The following PSD3 variants were observed in gnomAD, a reference collection of about 807,000 sequenced individuals.
PSD3 encodes PH and SEC7 domain-containing protein 3.
Under a neutral mutation model 105.5 loss-of-function variants are expected in PSD3, and 49 were observed. The ratio of observed to expected loss-of-function variants is 0.46; its 90% CI spans 0.37 to 0.59. The LOEUF (loss-of-function observed/expected upper bound fraction) is 0.59, where lower values mean the gene tolerates loss of function less well. Among genes scored for constraint, PSD3 ranks in the 20% least tolerant of loss-of-function variants. The pLI is 0.00. For missense variants in PSD3, 1,561 were observed against 1,263.8 expected (o/e 1.24, Z -3.57); for synonymous variants, 557 against 457.8 (o/e 1.22, Z -2.77).
intron 4 of PSD3, among the ~76,000 whole-genome samples, chr8:18,823,254 G>A (rs7834934): frequency 0.17 from 26,516 of 152,068 alleles, 2,572 homozygotes; most frequent in Admixed American, 0.31. Flanking sequence ...CTTCAAGCTC[G>A]CTTTAAAATT....
At chr8:19,084,410 T>C (rs1039669919) in exon 1 of PSD3, 28 of 456,070 alleles carry the variant, frequency 6.1e-5, no homozygotes, top group Non-Finnish European at 1.1e-4. Context: ...GGACAGCCCT[T>C]GGAGGGGAGC....
At chr8:18,888,687 G>T (rs1023636009) in intron 2 of PSD3, among the ~76,000 whole-genome samples, 4 of 152,090 alleles carry the variant, frequency 2.6e-5, no homozygotes, top group Non-Finnish European at 4.4e-5. Context: ...TCCTCTCAAA[G>T]AAGAGCTATT....
rs145273912 is a variant in PSD3, at chr8:18,531,500, G to A, written c.*4243C>T. On this transcript the variant is annotated 3_prime_UTR_variant, in exon 16 of 16. Coordinates refer to ENST00000327040, the MANE Select transcript of PSD3 (RefSeq NM_015310.4). ...TCTATTGCTATCAATAATCTATCAC[G>A]GGGTTATTCTGTGATGATTTGATCA... 2.0e-5 allele frequency: 3 copies of A among 152,132 alleles called. No individual in the cohort carries two copies. The highest frequency in any genetic ancestry group is 4.4e-5 in the Non-Finnish European group (3 of 68,030). The allele number at this position is 152,132 out of a possible 1,614,324, so 9.4% of individuals were successfully genotyped here.
chr8:18,979,354 G>A (rs1383189443), intron 1 of PSD3, among the ~76,000 whole-genome samples: 2 of 152,182 alleles, frequency 1.3e-5, no homozygotes, highest in East Asian at 3.8e-4. Context: ...TTCATAATGA[G>A]CAGCTCTTAC....
At chr8:18,741,527 G>C (rs1342296365) in intron 9 of PSD3, among the ~76,000 whole-genome samples, 1 of 152,122 alleles carries the variant, frequency 6.6e-6, no homozygotes. Context: ...TAGAATTTAA[G>C]AAACCAAAGT....
intron 9 of PSD3, among the ~76,000 whole-genome samples, chr8:18,747,221 T>C (rs1459807192): frequency 6.6e-6 from 1 of 152,212 alleles, no homozygotes; most frequent in Non-Finnish European, 1.5e-5. Context: ...TACCTGCAGG[T>C]GTACAGACAC....
chr8:19,006,366 T>C (rs1256228284), intron 1 of PSD3, among the ~76,000 whole-genome samples: 2 of 151,710 alleles, frequency 1.3e-5, no homozygotes, highest in Admixed American at 1.3e-4. Context: ...ACATACTATG[T>C]TTCACATAGT....
intron 1 of PSD3, among the ~76,000 whole-genome samples, chr8:18,979,172 G>T (rs959528853): frequency 5.3e-5 from 8 of 151,840 alleles, no homozygotes; most frequent in Middle Eastern, 3.4e-3. Context: ...CAAGACACTG[G>T]GGGGCGGCCA....
At chr8:18,684,203 T>TA (rs1800532304) in intron 9 of PSD3, 9 of 222,752 alleles carry the variant, frequency 4.0e-5, no homozygotes, top group African/African-American at 2.1e-4. Flanking sequence ...GTCTCTCTTT[T>TA]CCACACACAC....
At chr8:18,709,763 A>C (rs1802134113) in intron 9 of PSD3, among the ~76,000 whole-genome samples, 1 of 152,194 alleles carries the variant, frequency 6.6e-6, no homozygotes, top group Non-Finnish European at 1.5e-5. Context: ...TGGAAGAGGG[A>C]CCTAACTATT....
chr8:18,979,560 T>A lies in PSD3; in HGVS notation c.21+34003A>T, dbSNP rs954404298. 4.6e-5 allele frequency: 7 copies of A among 152,362 alleles called. No homozygotes were observed. The East Asian group carries it at 7.7e-4, about 17-fold the overall frequency. The allele number at this position is 152,362 out of a possible 1,614,324, so 9.4% of individuals were successfully genotyped here. ...CTAATATCTCCTTACAGCTTATACA[T>A]GAGTGAAGCATTTATTTTTATATTA... On this transcript the variant is annotated intron_variant, in intron 1 of 15. Transcript: ENST00000327040.
At chr8:18,593,885 A>ATATATAATATAATATATATTATT in intron 12 of PSD3, among the ~76,000 whole-genome samples, 1 of 145,812 alleles carries the variant, frequency 6.9e-6, no homozygotes, top group African/African-American at 2.5e-5. Flanking sequence ...CAAAAAACCA[A>ATATATAATATAATATATATTATT]ACACCGCATG....
chr8:18,922,038 G>A (rs957570377), intron 2 of PSD3, among the ~76,000 whole-genome samples: 2 of 152,194 alleles, frequency 1.3e-5, no homozygotes, highest in Non-Finnish European at 2.9e-5. Flanking sequence ...AGTTAAAAAT[G>A]CCAGTATGTC....
chr8:18,745,594 T>C (rs1360080089), intron 9 of PSD3, among the ~76,000 whole-genome samples: 1 of 152,120 alleles, frequency 6.6e-6, no homozygotes, highest in Admixed American at 6.5e-5. Flanking sequence ...CAACCAATTC[T>C]CCACAGAGCA....
At chr8:18,804,469 T>C in intron 6 of PSD3, 53 bp downstream of exon 6, 3 of 1,441,966 alleles carry the variant, frequency 2.1e-6, no homozygotes, top group Non-Finnish European at 2.9e-6. Flanking sequence ...CTTTCTTCTC[T>C]AAGAACTAAT....
chr8:18,908,461 C>A (rs187758290), intron 2 of PSD3, among the ~76,000 whole-genome samples: 1 of 152,164 alleles, frequency 6.6e-6, no homozygotes, highest in African/African-American at 2.4e-5. Context: ...ATAATACTTA[C>A]CTTTCAAGGC....
chr8:19,019,338 AT>A (rs1266551989), intron 1 of PSD3, among the ~76,000 whole-genome samples: 2 of 152,184 alleles, frequency 1.3e-5, no homozygotes, highest in Non-Finnish European at 2.9e-5. Flanking sequence ...GTATTTTTCC[AT>A]TGTGATCTAT....
At chr8:18,656,053 C>CT (rs1412076118) in intron 9 of PSD3, among the ~76,000 whole-genome samples, 1 of 151,952 alleles carries the variant, frequency 6.6e-6, no homozygotes, top group Non-Finnish European at 1.5e-5. Flanking sequence ...AGTACTCATA[C>CT]TTTTTTCTTT....
At chr8:18,781,463 T>C (rs1410666297) in intron 8 of PSD3, among the ~76,000 whole-genome samples, 1 of 152,182 alleles carries the variant, frequency 6.6e-6, no homozygotes, top group East Asian at 1.9e-4. Context: ...AGAAACTGAA[T>C]TTGTCAGCCT....
Sources: allele counts gnomAD v4.1 joint callset (sites outside exome capture counted in the v4.1 genomes callset), GRCh38; gene constraint gnomAD v4.1.1; transcripts MANE v1.5; gene names NCBI Gene and HGNC (gene_info 2026-07-23, HGNC 2026-07-21).